Variants in SPATA6 observed in about 807,000 individuals in gnomAD.
The protein encoded by SPATA6 is spermatogenesis-associated protein 6.
Under a neutral mutation model 65.3 loss-of-function variants are expected in SPATA6, and 56 were observed. The ratio of observed to expected loss-of-function variants is 0.86; its 90% CI spans 0.69 to 1.07. The LOEUF is 1.07. SPATA6 is among the 50% of genes least tolerant of loss of function. The pLI is 0.00. For missense variants in SPATA6, 590 were observed against 594.8 expected, an observed-to-expected ratio of 0.99 and a Z score of 0.08; for synonymous variants, 199 against 213.2, an observed-to-expected ratio of 0.93 and a Z score of 0.58.
intron 3 of SPATA6, 140 bp from the exon 4 acceptor site, chr1:48,413,291 ACTT>A (rs745966900): frequency 4.9e-5 from 12 of 246,342 alleles, no homozygotes; most frequent in African/African-American, 9.3e-5. Context: ...TATAATGTAC[ACTT>A]CTTTTTTTTT....
intron 3 of SPATA6, among the ~76,000 whole-genome samples, chr1:48,444,384 T>C (rs1570598465): frequency 6.6e-6 from 1 of 150,392 alleles, no homozygotes; most frequent in East Asian, 2.0e-4. Context: ...CAATCAGCAC[T>C]CTTTAAAAAT....
At chr1:48,340,093 C>T (rs1646167880) in intron 11 of SPATA6, among the ~76,000 whole-genome samples, 1 of 151,468 alleles carries the variant, frequency 6.6e-6, no homozygotes, top group South Asian at 2.1e-4. Flanking sequence ...TGGAAGATAT[C>T]AGATAATAGA....
chr1:48,435,223 C>T (rs926576679), intron 3 of SPATA6, among the ~76,000 whole-genome samples: 1 of 152,186 alleles, frequency 6.6e-6, no homozygotes, highest in African/African-American at 2.4e-5. Context: ...GCCAGCTGGA[C>T]TCCCTGGGTC....
At chr1:48,315,063 C>CA (rs1645365354) in intron 11 of SPATA6, among the ~76,000 whole-genome samples, 2 of 151,984 alleles carry the variant, frequency 1.3e-5, no homozygotes, top group Admixed American at 6.6e-5. Context: ...GCTTACCAAA[C>CA]AAAAAAAGCC....
intron 11 of SPATA6, among the ~76,000 whole-genome samples, chr1:48,321,364 G>C (rs1181954690): frequency 6.6e-6 from 1 of 152,090 alleles, no homozygotes; most frequent in Non-Finnish European, 1.5e-5. Context: ...AATCAAAAAA[G>C]AGTAGAAGTA....
At chr1:48,379,943 A>C (rs1475346210) in intron 9 of SPATA6, among the ~76,000 whole-genome samples, 1 of 152,090 alleles carries the variant, frequency 6.6e-6, no homozygotes. Context: ...CACCACAACA[A>C]ATAAGTATGT....
chr1:48,429,047 G>A (rs1654158677), intron 3 of SPATA6, among the ~76,000 whole-genome samples: 1 of 151,468 alleles, frequency 6.6e-6, no homozygotes, highest in Non-Finnish European at 1.5e-5. Flanking sequence ...TACAATAACA[G>A]CTACCCAACC....
the SPATA6 span, among the ~76,000 whole-genome samples, chr1:48,289,938 T>C: frequency 6.6e-6 from 1 of 152,136 alleles, no homozygotes; most frequent in Non-Finnish European, 1.5e-5. Flanking sequence ...CAGGATATTA[T>C]CTAGGAGAAC....
the SPATA6 span, among the ~76,000 whole-genome samples, chr1:48,290,256 A>G: frequency 5.3e-5 from 8 of 152,234 alleles, no homozygotes; most frequent in African/African-American, 1.9e-4. Context: ...ACTAAGCCTC[A>G]TAAGTGAAGG....
chr1:48,276,777 C>G, the SPATA6 span, among the ~76,000 whole-genome samples: 1 of 152,008 alleles, frequency 6.6e-6, no homozygotes, highest in Non-Finnish European at 1.5e-5. Context: ...AGAATGAGTA[C>G]GATGTGGTGC....
intron 8 of SPATA6, 83 bp from the exon 9 acceptor site, chr1:48,385,432 T>A: frequency 8.2e-7 from 1 of 1,222,074 alleles, no homozygotes; most frequent in Non-Finnish European, 1.2e-6. Flanking sequence ...TCTACAATTA[T>A]AATTCACTCA....
At chr1:48,381,341 A>G (rs370290438) in intron 9 of SPATA6, among the ~76,000 whole-genome samples, 2 of 152,274 alleles carry the variant, frequency 1.3e-5, no homozygotes, top group South Asian at 4.1e-4. Flanking sequence ...TCACCCAGAA[A>G]CTTGGTAAAA....
chr1:48,402,661 C>A (rs932314922), intron 6 of SPATA6: 1 of 152,202 alleles, frequency 6.6e-6, no homozygotes, highest in African/African-American at 2.4e-5. Context: ...TTATCATCTT[C>A]AGCAAATTTA....
intron 1 of SPATA6, among the ~76,000 whole-genome samples, chr1:48,462,762 C>T (rs934243667): frequency 1.3e-5 from 2 of 152,182 alleles, no homozygotes; most frequent in East Asian, 3.9e-4. Flanking sequence ...TGTTCACTAG[C>T]TATGATGGTT....
chr1:48,316,618 A>C (rs970105448), intron 11 of SPATA6, among the ~76,000 whole-genome samples: 7 of 152,206 alleles, frequency 4.6e-5, no homozygotes, highest in African/African-American at 1.7e-4. Context: ...GGACATAGGC[A>C]TGAGCAAGGA....
At chr1:48,368,095 C>A (rs949685955) in intron 9 of SPATA6, among the ~76,000 whole-genome samples, 22 of 152,264 alleles carry the variant, frequency 1.4e-4, no homozygotes, top group African/African-American at 4.3e-4. Context: ...GTTGAAAATT[C>A]TTTTCTTTAA....
intron 11 of SPATA6, among the ~76,000 whole-genome samples, chr1:48,321,424 G>C (rs1430539342): frequency 6.6e-6 from 1 of 152,070 alleles, no homozygotes; most frequent in Non-Finnish European, 1.5e-5. Context: ...ATTATAAAAA[G>C]AGACAAGTTC....
chr1:48,385,968 G>A (rs781405334), intron 8 of SPATA6, among the ~76,000 whole-genome samples: 7 of 152,084 alleles, frequency 4.6e-5, no homozygotes, highest in Admixed American at 4.6e-4. Flanking sequence ...CACTAAAATA[G>A]AAATCAACTA....
chr1:48,406,005 G>T (rs1281148521), intron 5 of SPATA6, among the ~76,000 whole-genome samples: 1 of 152,050 alleles, frequency 6.6e-6, no homozygotes, highest in South Asian at 2.1e-4. Context: ...CTGAGGTGTA[G>T]TTCCTTATGT....
Sources: gnomAD v4.1 joint callset for allele counts (sites outside exome capture counted in the v4.1 genomes callset) on GRCh38, gnomAD v4.1.1 for gene constraint, MANE v1.5 for transcripts, NCBI Gene and HGNC (gene_info 2026-07-23, HGNC 2026-07-21) for gene names.